ENTPD6: variants seen among roughly 807,000 people sequenced by gnomAD.
ENTPD6 encodes the protein CD39 antigen-like 2.
A neutral mutation model predicts 61.5 loss-of-function variants in ENTPD6; 46 were observed. The observed-to-expected ratio is 0.75, with a 90% CI of 0.59 to 0.96. The LOEUF (loss-of-function observed/expected upper bound fraction) is 0.96, where lower values mean the gene tolerates loss of function less well. Ranked by LOEUF, ENTPD6 falls within the 40% of genes least tolerant of loss-of-function variation. The probability of loss-of-function intolerance (pLI) is 0.00; values close to 1 mark genes in which losing one functional copy is unlikely to be tolerated. For missense variants in ENTPD6, 612 were observed against 629.0 expected (o/e 0.97, Z 0.29); for synonymous variants, 252 against 255.5 (o/e 0.99, Z 0.13).
intron 4 of ENTPD6, among the ~76,000 whole-genome samples, chr20:25,210,323 C>G (rs1007708): frequency 1.3e-5 from 2 of 151,958 alleles, no homozygotes; most frequent in Non-Finnish European, 2.9e-5. Context: ...GGTTTCTGAT[C>G]GAAGATAGCA....
chr20:25,209,234 C>T (rs531395979), intron 3 of ENTPD6, among the ~76,000 whole-genome samples: 4 of 151,756 alleles, frequency 2.6e-5, no homozygotes, highest in Non-Finnish European at 5.9e-5. Context: ...CTCAGCCTCC[C>T]GAGTAGCTGG....
At chr20:25,225,165 G>A in intron 13 of ENTPD6, 40 bp from the exon 14 acceptor site, 1 of 1,587,260 alleles carries the variant, frequency 6.3e-7, no homozygotes, top group Non-Finnish European at 8.6e-7. Context: ...CCCCCAGGTG[G>A]GAGTCACCTG....
chr20:25,223,013 G>T (rs756369340), intron 12 of ENTPD6, 35 bp downstream of exon 12: 3 of 1,564,404 alleles, frequency 1.9e-6, no homozygotes, highest in Admixed American at 1.7e-5. Flanking sequence ...CAGGAAGGTC[G>T]GGGCGGCAGG....
chr20:25,205,772 G>A (rs2091440769), intron 1 of ENTPD6, among the ~76,000 whole-genome samples: 1 of 152,216 alleles, frequency 6.6e-6, no homozygotes, highest in South Asian at 2.1e-4. Flanking sequence ...GGGGCACTGT[G>A]GCAGTGCTTG....
chr20:25,212,948 G>A (rs1047717234), intron 4 of ENTPD6, among the ~76,000 whole-genome samples: 8 of 152,326 alleles, frequency 5.3e-5, no homozygotes, highest in Admixed American at 2.0e-4. Context: ...CTTGTGATCC[G>A]CCTGCCTTGG....
At chr20:25,216,427 G>A (rs2092316171) in intron 7 of ENTPD6, among the ~76,000 whole-genome samples, 1 of 152,130 alleles carries the variant, frequency 6.6e-6, no homozygotes, top group Admixed American at 6.5e-5. Flanking sequence ...CTCCCCTGAA[G>A]GTTCATGCTG....
chr20:25,222,330 G>C (rs1338987663), intron 11 of ENTPD6: 2 of 156,408 alleles, frequency 1.3e-5, no homozygotes, highest in Non-Finnish European at 2.8e-5. Context: ...GCTGGGTCAA[G>C]GTGTGGGGTG....
chr20:25,197,880 C>T (rs768608709), intron 1 of ENTPD6, among the ~76,000 whole-genome samples: 1 of 152,138 alleles, frequency 6.6e-6, no homozygotes, highest in African/African-American at 2.4e-5. Context: ...TCTCTAAAGT[C>T]GTGATAAAGC....
chr20:25,198,888 GGCATATCAAACTCA>G (rs1352696786), intron 1 of ENTPD6, among the ~76,000 whole-genome samples: 1 of 152,166 alleles, frequency 6.6e-6, no homozygotes, highest in Non-Finnish European at 1.5e-5. Context: ...ATGTCCCGCT[GGCATATCAAACTCA>G]GCATGTCAAA....
intron 1 of ENTPD6, among the ~76,000 whole-genome samples, chr20:25,202,056 C>G (rs1420457457): frequency 6.6e-6 from 1 of 151,996 alleles, no homozygotes; most frequent in Non-Finnish European, 1.5e-5. Flanking sequence ...TGTTATATTA[C>G]TATAAGGTAA....
In ENTPD6 at chr20:25,206,566, C is replaced by T; in HGVS notation, c.30C>T (p.Ser10=). Residue 10 remains serine, a synonymous_variant, in exon 2 of 15, where the codon TCC becomes TCT. Coordinates refer to ENST00000376652, the MANE Select transcript of ENTPD6 (RefSeq NM_001247.5). The stretch of plus-strand genomic sequence containing the variant: ...AAAAAGGTATCCGTTATGAAACTTC[C>T]AGAAAAACGAGCTACATTTTTCAGG... MKKGIRYET[S]RKTSYIFQQP... 4 of 1,613,780 alleles carry T rather than the reference C, an allele frequency of 2.5e-6. No homozygotes were observed. Among genetic ancestry groups the T allele is most frequent in the Non-Finnish European group, 3.4e-6 (4 of 1,179,648 alleles).
intron 9 of ENTPD6, among the ~76,000 whole-genome samples, chr20:25,218,191 A>G (rs1395875286): frequency 1.3e-5 from 2 of 152,194 alleles, no homozygotes; most frequent in Non-Finnish European, 2.9e-5. Context: ...AGGTTTGAGA[A>G]GTGGGAGGGA....
intron 1 of ENTPD6, among the ~76,000 whole-genome samples, chr20:25,206,182 T>C (rs1191263088): frequency 6.6e-6 from 1 of 152,206 alleles, no homozygotes; most frequent in African/African-American, 2.4e-5. Context: ...CACACGTAGC[T>C]GCGGGCAGAG....
At chr20:25,199,125 G>A (rs992374250) in intron 1 of ENTPD6, among the ~76,000 whole-genome samples, 2 of 152,144 alleles carry the variant, frequency 1.3e-5, no homozygotes, top group East Asian at 3.9e-4. Context: ...TTGGGTGCTG[G>A]AGGTTCTGGG....
chr20:25,219,458 T>C (rs1490753460), intron 10 of ENTPD6, among the ~76,000 whole-genome samples: 3 of 152,254 alleles, frequency 2.0e-5, no homozygotes, highest in Admixed American at 6.5e-5. Context: ...TGGCCCTTCC[T>C]GAGACATGGA....
chr20:25,215,615 T>C, intron 6 of ENTPD6, 61 bp from the exon 7 acceptor site: 1 of 1,561,930 alleles, frequency 6.4e-7, no homozygotes, highest in Non-Finnish European at 8.8e-7. Context: ...TTAACGGTCC[T>C]GTGTGTTATG....
At chr20:25,210,166 A>G (rs931715899) in intron 4 of ENTPD6, among the ~76,000 whole-genome samples, 1 of 152,348 alleles carries the variant, frequency 6.6e-6, no homozygotes, top group South Asian at 2.1e-4. Context: ...CACTTCTCCA[A>G]CGTGGGGGTC....
Position 25,218,602 on chromosome 20 carries a change from G to T in ENTPD6, c.931G>T (p.Glu311Ter). ...SARLAILGGV[E>*]GQPAKDGKEL... ...ACGCCTGGCGATCCTGGGCGGCGTGGAGGGGCAGCCTGGTGAGTGGACATG... is the reference window on the plus strand; with the variant it reads ...ACGCCTGGCGATCCTGGGCGGCGTGTAGGGGCAGCCTGGTGAGTGGACATG... Residue 311 changes from glutamate (E) to a stop codon, truncating the protein, a stop_gained, in exon 10 of 15, where the codon GAG (glutamate) becomes TAG (stop). Transcript: ENST00000376652. LOFTEE classifies it high-confidence loss of function. 1.9e-6 allele frequency: 3 copies of T among 1,606,388 alleles called. No individual in the cohort carries two copies. Among genetic ancestry groups the T allele is most frequent in the Non-Finnish European group, 1.7e-6 (2 of 1,178,546 alleles).
chr20:25,211,822 T>C (rs994483540), intron 4 of ENTPD6, among the ~76,000 whole-genome samples: 2 of 152,220 alleles, frequency 1.3e-5, no homozygotes, highest in African/African-American at 4.8e-5. Flanking sequence ...CTATTTTTTT[T>C]CCCCGAGATG....
Sources: allele counts gnomAD v4.1 joint callset (sites outside exome capture counted in the v4.1 genomes callset), GRCh38; gene constraint gnomAD v4.1.1; transcripts MANE v1.5; gene names NCBI Gene and HGNC (gene_info 2026-07-23, HGNC 2026-07-21).